The following BCAS3 variants were observed in gnomAD, a reference collection of about 807,000 sequenced individuals.
BCAS3 encodes the protein BCAS3 microtubule associated cell migration factor.
In BCAS3, 53 loss-of-function variants were observed where a neutral mutation model predicts 116.1. The observed-to-expected ratio is 0.46, with a 90% confidence interval of 0.37 to 0.57. BCAS3 has a LOEUF of 0.57. Ranked by LOEUF, BCAS3 falls within the 20% of genes least tolerant of loss-of-function variation. The pLI is 0.00. For missense variants in BCAS3, 917 were observed against 1,165.4 expected (o/e 0.79, Z 3.10); for synonymous variants, 391 against 408.2 (o/e 0.96, Z 0.51).
rs1161514095 is a variant in BCAS3, at chr17:61,327,390, A to G, written c.2426-40937A>G. Among the ~76,000 whole-genome samples the G allele has an allele frequency of 6.6e-6, 1 of 152,254 alleles. No homozygotes were observed. The highest frequency in any genetic ancestry group is 1.5e-5 in the Non-Finnish European group (1 of 68,050). ...GGACTACAGAGTCAAGGAGACATTT[A>G]CAAGTTAATATAATAAATGTAAATG... On this transcript the variant is annotated intron_variant, in intron 22 of 23. Coordinates refer to ENST00000407086, the MANE Select transcript of BCAS3 (RefSeq NM_017679.5). The surrounding 1 kb of genome is among the most constrained non-coding windows in gnomAD (Gnocchi z 5.9).
chr17:60,875,444 T>C (rs911087826), intron 9 of BCAS3, among the ~76,000 whole-genome samples: 1 of 152,100 alleles, frequency 6.6e-6, no homozygotes, highest in East Asian at 1.9e-4. Flanking sequence ...AGAATCAGTA[T>C]AGAAGTTGGC....
chr17:61,264,736 GAGTGAAATAAAACC>G (rs1304954638), intron 22 of BCAS3, among the ~76,000 whole-genome samples: 1 of 152,118 alleles, frequency 6.6e-6, no homozygotes, highest in Non-Finnish European at 1.5e-5. Flanking sequence ...AACATATTGA[GAGTGAAATAAAACC>G]AGATTGCAGA....
At chr17:61,359,023 C>G (rs1048230636) in intron 22 of BCAS3, among the ~76,000 whole-genome samples, 2 of 152,158 alleles carry the variant, frequency 1.3e-5, no homozygotes, top group African/African-American at 4.8e-5. Context: ...CAGGCATCCT[C>G]AGAGAAAGTG....
At chr17:61,373,674 C>T (rs1239697666) in intron 23 of BCAS3, among the ~76,000 whole-genome samples, 3 of 147,936 alleles carry the variant, frequency 2.0e-5, no homozygotes, top group Non-Finnish European at 4.5e-5. Context: ...TCTCGAACTC[C>T]TGGCCTCAAG....
At chr17:61,275,740 C>T (rs1310920079) in intron 22 of BCAS3, among the ~76,000 whole-genome samples, 1 of 152,120 alleles carries the variant, frequency 6.6e-6, no homozygotes, top group Non-Finnish European at 1.5e-5. Flanking sequence ...GACATGTAGC[C>T]CGGCAGGCTG....
intron 7 of BCAS3, among the ~76,000 whole-genome samples, chr17:60,836,824 A>G (rs907573133): frequency 6.6e-6 from 1 of 152,200 alleles, no homozygotes; most frequent in Non-Finnish European, 1.5e-5. Flanking sequence ...ACCTAAACAT[A>G]GTTTTATACT....
intron 11 of BCAS3, 33 bp downstream of exon 11, chr17:60,902,736 T>G: frequency 6.9e-7 from 1 of 1,453,054 alleles, no homozygotes; most frequent in Non-Finnish European, 9.7e-7. Context: ...AGAGTTGTGG[T>G]TATGTGTAGT....
rs182514651 is a variant in BCAS3, at chr17:61,103,596, C to G, written c.2425+19032C>G. ...AGCCTAAAAAGGCAAAGAAATGAAG[C>G]TATTTGGTTTGCAGAGGAACAGATC... is the stretch of plus-strand genomic sequence containing the variant. On this transcript the variant is annotated intron_variant, in intron 22 of 23. Transcript: ENST00000407086. 6.2e-4 allele frequency among the ~76,000 whole-genome samples: 95 copies of G among 152,226 alleles called. 1 individual carries two copies. The highest frequency in any genetic ancestry group is 1.2e-3 in the Non-Finnish European group (83 of 68,004).
chr17:61,074,533 A>AT (rs1019961867), intron 19 of BCAS3, among the ~76,000 whole-genome samples: 3 of 152,174 alleles, frequency 2.0e-5, no homozygotes, highest in African/African-American at 7.2e-5. Context: ...GACTGAAAGC[A>AT]TTTTTTCTAT....
intron 2 of BCAS3, 107 bp downstream of exon 2, chr17:60,679,647 C>A: frequency 1.1e-6 from 1 of 897,440 alleles, no homozygotes; most frequent in Non-Finnish European, 1.8e-6. Context: ...AATCTTTTAA[C>A]TGTTGGCTTT....
At chr17:60,846,670 C>G (rs185515465) in intron 7 of BCAS3, among the ~76,000 whole-genome samples, 3 of 151,726 alleles carry the variant, frequency 2.0e-5, no homozygotes. Context: ...TGTATTGACC[C>G]TTCTATCTTT....
chr17:61,009,952 C>A (rs2064994450), intron 15 of BCAS3, among the ~76,000 whole-genome samples: 1 of 151,964 alleles, frequency 6.6e-6, no homozygotes, highest in Admixed American at 6.6e-5. Flanking sequence ...TGTCAAAGCC[C>A]AGTAAATCTT....
At chr17:61,294,787 T>C (rs533200251) in intron 22 of BCAS3, among the ~76,000 whole-genome samples, 1 of 152,244 alleles carries the variant, frequency 6.6e-6, no homozygotes, top group Non-Finnish European at 1.5e-5. Context: ...CTGTATTTGA[T>C]GCAGCTGGTC....
chr17:61,132,686 C>T lies in BCAS3; in HGVS notation c.2425+48122C>T, dbSNP rs1214327851. ...CAAGAGCACACCACTGTACATGCTC[C>T]TGGTTTGTGTGCTGCAGACTGTGTT... On this transcript the variant is annotated intron_variant, in intron 22 of 23. Transcript: ENST00000407086. The surrounding 1 kb of genome is among the most constrained non-coding windows in gnomAD (Gnocchi z 5.1). Among the ~76,000 whole-genome samples the T allele has an allele frequency of 6.6e-6, 1 of 152,130 alleles. No individual in the cohort carries two copies. Among genetic ancestry groups the T allele is most frequent in the Non-Finnish European group, 1.5e-5 (1 of 68,024 alleles).
At chr17:61,153,870 A>G (rs375220107) in intron 22 of BCAS3, among the ~76,000 whole-genome samples, 85 of 152,348 alleles carry the variant, frequency 5.6e-4, no homozygotes, top group African/African-American at 1.9e-3. Flanking sequence ...GAAATCTGCC[A>G]CTGTTTTCCA....
At chr17:60,726,734 C>T (rs2039910640) in intron 5 of BCAS3, among the ~76,000 whole-genome samples, 1 of 152,138 alleles carries the variant, frequency 6.6e-6, no homozygotes. Flanking sequence ...TGGTCTTGAT[C>T]TCCTGACCTC....
At chr17:60,929,585 A>G (rs1341438120) in intron 13 of BCAS3, among the ~76,000 whole-genome samples, 1 of 151,914 alleles carries the variant, frequency 6.6e-6, no homozygotes, top group Non-Finnish European at 1.5e-5. Context: ...TATTATTATT[A>G]TACATTAAGT....
intron 10 of BCAS3, among the ~76,000 whole-genome samples, chr17:60,890,082 T>G (rs1197822050): frequency 1.3e-5 from 2 of 152,184 alleles, no homozygotes; most frequent in Admixed American, 1.3e-4. Flanking sequence ...AGGAAAGTAG[T>G]TTTTGACTTT....
intron 14 of BCAS3, among the ~76,000 whole-genome samples, chr17:60,978,003 T>G (rs1488546188): frequency 7.1e-6 from 1 of 140,838 alleles, no homozygotes; most frequent in Non-Finnish European, 1.5e-5. Context: ...TTATAGTCCT[T>G]TGGGTATATA....
Sources: allele counts gnomAD v4.1 joint callset (sites outside exome capture counted in the v4.1 genomes callset), GRCh38; gene constraint gnomAD v4.1.1; non-coding constraint Gnocchi (gnomAD v3.1); transcripts MANE v1.5; gene names NCBI Gene and HGNC (gene_info 2026-07-23, HGNC 2026-07-21).